HCN1: variants seen among roughly 807,000 people sequenced by gnomAD.
HCN1 encodes the protein potassium/sodium hyperpolarization-activated cyclic nucleotide-gated channel 1.
Under a neutral mutation model 78.9 loss-of-function variants are expected in HCN1, and 13 were observed. The ratio of observed to expected loss-of-function variants is 0.16; its 90% CI spans 0.11 to 0.26. HCN1 has a LOEUF of 0.26. HCN1 is among the 10% of genes least tolerant of loss of function. HCN1 has a pLI of 1.00. For synonymous variants in HCN1, 552 were observed against 455.5 expected (o/e 1.21, Z -2.70); for missense variants, 810 against 1,154.3 (o/e 0.70, Z 4.32).
intron 4 of HCN1, among the ~76,000 whole-genome samples, chr5:45,375,736 T>TAC (rs1561131672): frequency 6.1e-5 from 7 of 114,956 alleles, no homozygotes; most frequent in African/African-American, 1.4e-4. Flanking sequence ...TATTTTATGA[T>TAC]ATATCTTATA....
intron 1 of HCN1, among the ~76,000 whole-genome samples, chr5:45,692,561 T>C (rs533771768): frequency 1.1e-4 from 17 of 152,330 alleles, no homozygotes; most frequent in African/African-American, 4.1e-4. Flanking sequence ...GTACCTATAC[T>C]ATTGGACTGC....
intron 1 of HCN1, among the ~76,000 whole-genome samples, chr5:45,693,789 C>A (rs890720018): frequency 4.6e-5 from 7 of 151,560 alleles, no homozygotes; most frequent in Admixed American, 2.6e-4. Context: ...AAGGGATAGT[C>A]CTTTTCACAT....
chr5:45,351,045 CA>C (rs1746889348), intron 5 of HCN1, among the ~76,000 whole-genome samples: 1 of 152,030 alleles, frequency 6.6e-6, no homozygotes, highest in East Asian at 1.9e-4. Flanking sequence ...CATATGGAAC[CA>C]AAAAAGAGCC....
intron 2 of HCN1, among the ~76,000 whole-genome samples, chr5:45,592,430 G>A (rs1379753231): frequency 6.6e-6 from 1 of 151,958 alleles, no homozygotes; most frequent in African/African-American, 2.4e-5. Flanking sequence ...TATTTTTCAT[G>A]GGAACTATAT....
chr5:45,575,551 T>C (rs986039599), intron 2 of HCN1: 1 of 152,050 alleles, frequency 6.6e-6, no homozygotes, highest in African/African-American at 2.4e-5. Flanking sequence ...GTTGCGCACA[T>C]GTACCCTAAA....
chr5:45,281,137 G>A (rs946524950), intron 6 of HCN1, among the ~76,000 whole-genome samples: 39 of 152,056 alleles, frequency 2.6e-4, no homozygotes, highest in African/African-American at 9.4e-4. Context: ...ATGTTGATAT[G>A]GTTTGGCTCT....
chr5:45,552,145 A>C (rs1416157760), intron 2 of HCN1, among the ~76,000 whole-genome samples: 1 of 151,930 alleles, frequency 6.6e-6, no homozygotes, highest in Non-Finnish European at 1.5e-5. Context: ...GAGCTAAGGG[A>C]AAAGCTGGTC....
At chr5:45,303,492 G>A (rs1315405429) in intron 6 of HCN1, 107 bp downstream of exon 6, 3 of 1,085,664 alleles carry the variant, frequency 2.8e-6, no homozygotes, top group South Asian at 2.5e-5. Flanking sequence ...TCACATACAG[G>A]TTTACATTCA....
At chr5:45,651,040 T>C (rs1378390941) in intron 1 of HCN1, among the ~76,000 whole-genome samples, 1 of 152,010 alleles carries the variant, frequency 6.6e-6, no homozygotes, top group Non-Finnish European at 1.5e-5. Flanking sequence ...GAAAAATTCT[T>C]TTCTCCCCTC....
At chr5:45,376,227 A>T (rs1747656976) in intron 4 of HCN1, among the ~76,000 whole-genome samples, 1 of 106,530 alleles carries the variant, frequency 9.4e-6, no homozygotes, top group South Asian at 2.6e-4. Context: ...ATTATATATA[A>T]TATATATTCT....
chr5:45,525,376 G>C (rs994153186), intron 2 of HCN1, among the ~76,000 whole-genome samples: 2 of 151,748 alleles, frequency 1.3e-5, no homozygotes, highest in African/African-American at 2.4e-5. Context: ...AATTATCTTT[G>C]TCTGCAATGA....
At chr5:45,554,830 A>G (rs1743440338) in intron 2 of HCN1, among the ~76,000 whole-genome samples, 1 of 151,920 alleles carries the variant, frequency 6.6e-6, no homozygotes, top group Non-Finnish European at 1.5e-5. Context: ...TTAAAGAAGA[A>G]GGGGTGAAAT....
At chr5:45,672,168 T>C (rs905262342) in intron 1 of HCN1, among the ~76,000 whole-genome samples, 9 of 151,588 alleles carry the variant, frequency 5.9e-5, no homozygotes, top group African/African-American at 1.9e-4. Context: ...ATGGGAACAA[T>C]GGACTACTAG....
intron 2 of HCN1, among the ~76,000 whole-genome samples, chr5:45,511,230 C>T (rs1205590011): frequency 6.6e-6 from 1 of 151,654 alleles, no homozygotes. Context: ...TTCCATGAGT[C>T]CATTATAATA....
intron 1 of HCN1, among the ~76,000 whole-genome samples, chr5:45,669,251 T>C (rs1197716711): frequency 6.6e-6 from 1 of 151,798 alleles, no homozygotes; most frequent in Non-Finnish European, 1.5e-5. Context: ...GTCAGGAGTC[T>C]TTGTGAGAGA....
chr5:45,382,512 C>T (rs374762542), intron 4 of HCN1, among the ~76,000 whole-genome samples: 10 of 152,166 alleles, frequency 6.6e-5, no homozygotes, highest in African/African-American at 2.4e-4. Flanking sequence ...TGTTTATACA[C>T]ACACAGATAT....
rs796457498 is a variant in HCN1, at chr5:45,457,596, C to T, written c.1011+4250G>A. The stretch of plus-strand genomic sequence containing the variant: ...AATTTAAGTAGCCTGCACTTTTAGT[C>T]CGCTTTCCGTTGTTACAACAAAATA... On this transcript the variant is annotated intron_variant, in intron 3 of 7. Coordinates refer to ENST00000303230, the MANE Select transcript of HCN1 (RefSeq NM_021072.4). Among the ~76,000 whole-genome samples, 20 of 152,254 alleles carry T rather than the reference C, an allele frequency of 1.3e-4. 1 individual carries two copies. Among genetic ancestry groups the T allele is most frequent in the African/African-American group, 4.8e-4 (20 of 41,558 alleles).
chr5:45,262,285 C>G lies in HCN1; in HGVS notation c.2309G>C (p.Ser770Thr). The change falls in exon 8 of 8, where the codon AGC becomes ACC. Residue 770 changes from serine (S) to threonine (T), a missense_variant. Ser to Thr is a moderately conservative substitution (Grantham distance 58). Around this residue, in one of 6 missense-constraint regions of HCN1, gnomAD observed 398 missense variants for 381.3 expected, o/e 1.04. Coordinates refer to ENST00000303230, the MANE Select transcript of HCN1 (RefSeq NM_021072.4). ...GTTGGTGTTGTGAAGCGCCTGCGTG[C>G]TCTTGTGCACTTCATTTTTCGGCGT... The part of the protein sequence containing the change: ...SSTPKNEVHK[S>T]TQALHNTNLT... 2 of 1,613,958 alleles carry G rather than the reference C, an allele frequency of 1.2e-6. No homozygotes were observed. Among genetic ancestry groups the G allele is most frequent in the Non-Finnish European group, 1.7e-6 (2 of 1,180,030 alleles).
At chr5:45,420,418 G>C (rs1403817572) in intron 3 of HCN1, among the ~76,000 whole-genome samples, 20 of 152,136 alleles carry the variant, frequency 1.3e-4, no homozygotes, top group Admixed American at 1.3e-3. Flanking sequence ...AAAGTTACTG[G>C]ATGGGGCCTC....
Sources: gnomAD v4.1 joint callset for allele counts (sites outside exome capture counted in the v4.1 genomes callset) on GRCh38, gnomAD v4.1.1 for gene constraint, gnomAD v4.1.1 regional missense constraint, MANE v1.5 for transcripts, NCBI Gene and HGNC (gene_info 2026-07-23, HGNC 2026-07-21) for gene names.